ZNF276: variants seen among roughly 807,000 people sequenced by gnomAD.
ZNF276 encodes the protein zinc finger protein 276.
Under a neutral mutation model 63.9 loss-of-function variants are expected in ZNF276, and 59 were observed. The observed-to-expected ratio is 0.92, with a 90% CI of 0.75 to 1.15. The LOEUF (loss-of-function observed/expected upper bound fraction) is 1.15, where lower values mean the gene tolerates loss of function less well. ZNF276 is among the 50% of genes most tolerant of loss of function. The probability of loss-of-function intolerance (pLI) is 0.00; values close to 1 mark genes in which losing one functional copy is unlikely to be tolerated. For missense variants in ZNF276, 1,084 were observed against 843.8 expected, an observed-to-expected ratio of 1.28 and a Z score of -3.53; for synonymous variants, 496 against 348.4, an observed-to-expected ratio of 1.42 and a Z score of -4.72.
intron 2 of ZNF276, 38 bp downstream of exon 2, chr16:89,722,872 A>G (rs764688522): frequency 1.3e-6 from 2 of 1,581,420 alleles, no homozygotes; most frequent in Admixed American, 3.4e-5. Context: ...TCAGGCTGTC[A>G]GTACTGCAGT....
At chr16:89,735,692 G>C (rs949837228) in intron 9 of ZNF276, among the ~76,000 whole-genome samples, 1 of 152,086 alleles carries the variant, frequency 6.6e-6, no homozygotes, top group Non-Finnish European at 1.5e-5. Flanking sequence ...GCAACATAGT[G>C]AGGCCGTCTT....
chr16:89,740,087 G>A lies in ZNF276; in HGVS notation c.*1841G>A, dbSNP rs2151714870. The A allele has an allele frequency of 6.2e-7, 1 of 1,614,162 alleles. No individual in the cohort carries two copies. The highest frequency in any genetic ancestry group is 8.5e-7 in the Non-Finnish European group (1 of 1,180,036). ...GCACAAACGTGGAAAGCCTTTGGCA[G>A]GTCTGTGGTGCTCTGTAAACCGCAG... On this transcript the variant is annotated 3_prime_UTR_variant, in exon 11 of 11. Coordinates refer to ENST00000443381, the MANE Select transcript of ZNF276 (RefSeq NM_001113525.2).
At chr16:89,722,220 C>T (rs2061313914) in intron 1 of ZNF276, among the ~76,000 whole-genome samples, 2 of 152,220 alleles carry the variant, frequency 1.3e-5, no homozygotes, top group South Asian at 4.1e-4. Context: ...GCGGCGTTTC[C>T]TGGAGGGCGC....
At position 89,722,614 on chromosome 16, in the gene ZNF276, A is replaced by C; in HGVS notation, c.289A>C (p.Arg97=). ...GAGAAGCCTGCGCAGCATCTCCGAG[A>C]GGGCGCCTGGAGCGAGCATGGAGAG... The part of the protein sequence containing the change: ...SSRSLRSISE[R]APGASMERPS... Residue 97 remains arginine, a synonymous_variant, in exon 2 of 11, where the codon AGG becomes CGG. Transcript: ENST00000443381. 1 of 1,612,072 alleles carries C rather than the reference A, an allele frequency of 6.2e-7. No individual in the cohort carries two copies. The highest frequency in any genetic ancestry group is 8.5e-7 in the Non-Finnish European group (1 of 1,180,016).
In ZNF276 at chr16:89,729,230, C is replaced by G; in HGVS notation, c.1086-5C>G. On this transcript the variant is annotated splice_polypyrimidine_tract_variant and splice_region_variant and intron_variant, in intron 5 of 10. Coordinates refer to ENST00000443381, the MANE Select transcript of ZNF276 (RefSeq NM_001113525.2). ...CTTTGCTGAAGATTCTCTCTTAATT[C>G]CTAGAGACGTCTTGAGTGAAGATGA... 4.3e-6 allele frequency: 7 copies of G among 1,613,660 alleles called. No individual in the cohort carries two copies. Among genetic ancestry groups the G allele is most frequent in the Non-Finnish European group, 5.9e-6 (7 of 1,179,624 alleles).
intron 4 of ZNF276, among the ~76,000 whole-genome samples, chr16:89,726,681 C>T (rs903466854): frequency 5.2e-4 from 78 of 150,072 alleles, no homozygotes; most frequent in African/African-American, 1.5e-3. Flanking sequence ...GAGTCTTGCT[C>T]TTTTGCCCAG....
At chr16:89,730,256 CG>C (rs2061602624) in intron 6 of ZNF276, among the ~76,000 whole-genome samples, 1 of 152,106 alleles carries the variant, frequency 6.6e-6, no homozygotes, top group South Asian at 2.1e-4. Flanking sequence ...AAAAGGTGCC[CG>C]GGGGTCCCTA....
At position 89,738,130 on chromosome 16, in the gene ZNF276, C is replaced by T. The variant is rs750791038; in HGVS notation, c.1729C>T (p.His577Tyr). The T allele has an allele frequency of 2.5e-6, 4 of 1,613,750 alleles. No homozygotes were observed. Among genetic ancestry groups the T allele is most frequent in the South Asian group, 2.2e-5 (2 of 91,084 alleles). Residue 577 changes from histidine (H) to tyrosine (Y), a missense_variant, in exon 11 of 11, where the codon CAC (histidine) becomes TAC (tyrosine). By Grantham distance (83) the His-to-Tyr change is moderately conservative. Coordinates refer to ENST00000443381, the MANE Select transcript of ZNF276 (RefSeq NM_001113525.2). ...HNLNVHMSMV[H>Y]PLTQTQDKAL... ...CCTCAATGTACACATGTCCATGGTG[C>T]ACCCGCTGACACAGACCCAGGACAA...
In ZNF276 at chr16:89,739,318, C is replaced by T; in HGVS notation, c.*1072C>T. 8 of 1,613,848 alleles carry T rather than the reference C, an allele frequency of 5.0e-6. No homozygotes were observed. The highest frequency in any genetic ancestry group is 3.3e-5 in the South Asian group (3 of 91,042). ...GAGGTAAAGACATAGTGACAAATGG[C>T]TACAGACTGCTGGAAAGGTAGCAGG... On this transcript the variant is annotated 3_prime_UTR_variant, in exon 11 of 11. Coordinates refer to ENST00000443381, the MANE Select transcript of ZNF276 (RefSeq NM_001113525.2).
chr16:89,720,919 C>G, upstream of ZNF276: 2 of 1,260,654 alleles, frequency 1.6e-6, no homozygotes, highest in Non-Finnish European at 2.0e-6. Context: ...CGACCGGAGG[C>G]CCGGAACGCA....
At position 89,738,849 on chromosome 16, in the gene ZNF276, C is replaced by G; in HGVS notation, c.*603C>G. ...AGGCAGCTGTCAATTCTCATGTCCC[C>G]CACATGGCCCAAGGTGGGCATCTTG... On this transcript the variant is annotated 3_prime_UTR_variant, in exon 11 of 11. Transcript: ENST00000443381. 6.2e-7 allele frequency: 1 copy of G among 1,614,194 alleles called. No homozygotes were observed.
rs773113065 is a variant in ZNF276, at chr16:89,739,278, TAGGAG to T, written c.*1035_*1039del. ...CCTGATGGCCGCGTCTTCATGGAAGTAGGAGAGAAGACTAGAGGTAAAGACATAGT... is the reference window on the plus strand; with the variant it reads ...CCTGATGGCCGCGTCTTCATGGAAGTAGAAGACTAGAGGTAAAGACATAGT... On this transcript the variant is annotated 3_prime_UTR_variant, in exon 11 of 11. Coordinates refer to ENST00000443381, the MANE Select transcript of ZNF276 (RefSeq NM_001113525.2). 5 of 1,614,068 alleles carry T rather than the reference TAGGAG, an allele frequency of 3.1e-6. No homozygotes were observed. The highest frequency in any genetic ancestry group is 4.2e-6 in the Non-Finnish European group (5 of 1,180,006).
chr16:89,722,847 C>G lies in ZNF276; in HGVS notation c.509+13C>G, dbSNP rs374939041. ...AGCCTTGTGCAAAGTACGCCCTAGT[C>G]TGTTCAGAGCACGTTCAGGCTGTCA... On this transcript the variant is annotated intron_variant, in intron 2 of 10. Coordinates refer to ENST00000443381, the MANE Select transcript of ZNF276 (RefSeq NM_001113525.2). 6.3e-7 allele frequency: 1 copy of G among 1,595,934 alleles called. No homozygotes were observed. Among genetic ancestry groups the G allele is most frequent in the Non-Finnish European group, 8.5e-7 (1 of 1,176,666 alleles).
At chr16:89,721,970 G>A (rs1020306422) in intron 1 of ZNF276, 125 bp downstream of exon 1, 4 of 678,434 alleles carry the variant, frequency 5.9e-6, no homozygotes, top group African/African-American at 3.8e-5. Flanking sequence ...TAGCGGACTC[G>A]GGGCTGCGTC....
intron 9 of ZNF276, among the ~76,000 whole-genome samples, chr16:89,736,470 G>A (rs1265204868): frequency 1.3e-5 from 2 of 151,976 alleles, no homozygotes; most frequent in African/African-American, 4.8e-5. Flanking sequence ...GACTACAGGT[G>A]TGTGCCACCA....
chr16:89,738,398 C>T lies in ZNF276; in HGVS notation c.*152C>T. 2.9e-6 allele frequency: 4 copies of T among 1,384,766 alleles called. No individual in the cohort carries two copies. Among genetic ancestry groups the T allele is most frequent in the Non-Finnish European group, 2.9e-6 (3 of 1,027,474 alleles). The allele number at this position is 1,384,766 out of a possible 1,614,324, so 85.8% of individuals were successfully genotyped here. A position where few individuals can be genotyped will look rare whatever the true frequency, so the allele number is the denominator to read the frequency against. The stretch of plus-strand genomic sequence containing the variant: ...CTTGGTGTCCGGCTCAAGTAGCCTT[C>T]CTCTGCTCTGGGACCAGTGGTTTAT... On this transcript the variant is annotated 3_prime_UTR_variant, in exon 11 of 11. Transcript: ENST00000443381.
Position 89,739,423 on chromosome 16 carries a change from G to C in ZNF276, c.*1177G>C. On this transcript the variant is annotated 3_prime_UTR_variant, in exon 11 of 11. Coordinates refer to ENST00000443381, the MANE Select transcript of ZNF276 (RefSeq NM_001113525.2). ...ATCTGGCGGGACCCAGAGGTGCTGA[G>C]ATGGGGGTCTGGGAAACACTGCCCA... The C allele has an allele frequency of 6.4e-7, 1 of 1,554,894 alleles. No homozygotes were observed.
chr16:89,738,823 C>G lies in ZNF276; in HGVS notation c.*577C>G, dbSNP rs773238151. On this transcript the variant is annotated 3_prime_UTR_variant, in exon 11 of 11. Coordinates refer to ENST00000443381, the MANE Select transcript of ZNF276 (RefSeq NM_001113525.2). ...TTGCCAGCCAGGCAGGCACATGGCC[C>G]AGGCAGCTGTCAATTCTCATGTCCC... 1 of 1,614,076 alleles carries G rather than the reference C, an allele frequency of 6.2e-7. No individual in the cohort carries two copies. The highest frequency in any genetic ancestry group is 1.7e-5 in the Admixed American group (1 of 60,012).
At chr16:89,733,872 T>G in intron 8 of ZNF276, 49 bp from the exon 9 acceptor site, 1 of 1,583,258 alleles carries the variant, frequency 6.3e-7, no homozygotes, top group Non-Finnish European at 8.7e-7. Context: ...GCTCGTGCCA[T>G]GTGGCCCGGG....
Sources: allele counts gnomAD v4.1 joint callset (sites outside exome capture counted in the v4.1 genomes callset), GRCh38; gene constraint gnomAD v4.1.1; transcripts MANE v1.5; gene names NCBI Gene and HGNC (gene_info 2026-07-23, HGNC 2026-07-21).